The following ARHGAP26 variants were observed in gnomAD, a reference collection of about 807,000 sequenced individuals.
The protein encoded by ARHGAP26 is Rho GTPase activating protein 26, also known as rho GTPase-activating protein 26.
ARHGAP26 carries 38 observed loss-of-function variants against 104.8 expected under a neutral mutation model. The ratio of observed to expected loss-of-function variants is 0.36; its 90% CI spans 0.28 to 0.48. The LOEUF is 0.48. Ranked by LOEUF, ARHGAP26 falls within the 20% of genes least tolerant of loss-of-function variation. The probability of loss-of-function intolerance (pLI) is 0.99; values close to 1 mark genes in which losing one functional copy is unlikely to be tolerated. For synonymous variants in ARHGAP26, 341 were observed against 340.0 expected, an observed-to-expected ratio of 1.00 and a Z score of -0.03; for missense variants, 704 against 947.9, an observed-to-expected ratio of 0.74 and a Z score of 3.38.
At chr5:142,891,218 G>GGGT (rs982060035) in intron 5 of ARHGAP26, among the ~76,000 whole-genome samples, 6 of 152,098 alleles carry the variant, frequency 3.9e-5, no homozygotes, top group Admixed American at 1.3e-4. Flanking sequence ...ACGATGCAGG[G>GGGT]GGTGGTGGTG....
Position 143,015,987 on chromosome 5 carries a change from A to G in ARHGAP26, c.1144+1871A>G, listed in dbSNP as rs1351155360. 2.0e-5 allele frequency among the ~76,000 whole-genome samples: 3 copies of G among 152,214 alleles called. No individual in the cohort carries two copies. In the East Asian group the frequency reaches 5.8e-4, roughly 29 times the overall value. ...ATCCTAAAGAAATCATTAGAGTGCA[A>G]AGATAGTTTGTACAACAAATAAATT... is the stretch of plus-strand genomic sequence containing the variant. On this transcript the variant is annotated intron_variant, in intron 12 of 22. Coordinates refer to ENST00000645722, the MANE Select transcript of ARHGAP26 (RefSeq NM_001135608.3).
In ARHGAP26 at chr5:142,809,818, A is replaced by G. The variant is rs907333043; in HGVS notation, c.154+38903A>G. On this transcript the variant is annotated intron_variant, in intron 1 of 22. Coordinates refer to ENST00000645722, the MANE Select transcript of ARHGAP26 (RefSeq NM_001135608.3). Reference sequence around the variant, plus strand: ...GTGGCTCACTTCATTCATCCATTCAATACCAATTTACTGTGTACCTGCTGA... The same window carrying G: ...GTGGCTCACTTCATTCATCCATTCAGTACCAATTTACTGTGTACCTGCTGA... Among the ~76,000 whole-genome samples the G allele has an allele frequency of 6.6e-5, 10 of 152,118 alleles. No individual in the cohort carries two copies. In the South Asian group the frequency reaches 1.0e-3, roughly 16 times the overall value.
intron 10 of ARHGAP26, among the ~76,000 whole-genome samples, chr5:142,916,215 G>T (rs1478850906): frequency 6.6e-6 from 1 of 152,222 alleles, no homozygotes; most frequent in African/African-American, 2.4e-5. Flanking sequence ...GAAGTGTGAA[G>T]TATGTGACTT....
chr5:143,191,972 C>T (rs945574955), intron 20 of ARHGAP26, among the ~76,000 whole-genome samples: 1 of 152,188 alleles, frequency 6.6e-6, no homozygotes, highest in Non-Finnish European at 1.5e-5. Flanking sequence ...GTCTGCCTTC[C>T]CTGTCTGCCA....
At chr5:143,082,009 CAAAAAAAAAAAAAA>C (rs71576162) in intron 17 of ARHGAP26, among the ~76,000 whole-genome samples, 1 of 38,276 alleles carries the variant, frequency 2.6e-5, no homozygotes, top group African/African-American at 9.3e-5. Flanking sequence ...GACTCCATCT[CAAAAAAAAAAAAAA>C]AAAAAAAAAA....
intron 1 of ARHGAP26, among the ~76,000 whole-genome samples, chr5:142,851,271 A>AT (rs1751463296): frequency 6.6e-6 from 1 of 151,914 alleles, no homozygotes; most frequent in Admixed American, 6.6e-5. Flanking sequence ...TAATTTTTGT[A>AT]TTTTTAGTAG....
At chr5:143,081,513 A>T (rs114932767) in intron 17 of ARHGAP26, among the ~76,000 whole-genome samples, 2,772 of 152,320 alleles carry the variant, frequency 0.018, 73 homozygotes, top group East Asian at 0.073. Context: ...GGAGTCAAAC[A>T]GACCTGAGTT....
intron 11 of ARHGAP26, among the ~76,000 whole-genome samples, chr5:143,006,975 A>G (rs528488810): frequency 3.3e-5 from 5 of 152,180 alleles, no homozygotes; most frequent in African/African-American, 1.2e-4. Context: ...CATGCCTGTA[A>G]TCCTAGCACT....
intron 20 of ARHGAP26, among the ~76,000 whole-genome samples, chr5:143,182,829 G>A (rs7721710): frequency 0.012 from 1,816 of 152,250 alleles, 36 homozygotes; most frequent in African/African-American, 0.041. Flanking sequence ...CATGTAAATA[G>A]TCATCTCCAT....
intron 11 of ARHGAP26, among the ~76,000 whole-genome samples, chr5:143,003,127 A>G (rs1013410495): frequency 5.3e-5 from 8 of 152,262 alleles, no homozygotes; most frequent in Admixed American, 2.6e-4. Flanking sequence ...ATCAGTGTTA[A>G]TAATCCCAGA....
At chr5:142,971,334 G>A (rs1181052689) in intron 11 of ARHGAP26, among the ~76,000 whole-genome samples, 2 of 152,144 alleles carry the variant, frequency 1.3e-5, no homozygotes, top group Admixed American at 1.3e-4. Context: ...GAAATTGCAG[G>A]AGAAGGAAAG....
chr5:143,116,402 G>A (rs1244198217), intron 17 of ARHGAP26, among the ~76,000 whole-genome samples: 1 of 152,110 alleles, frequency 6.6e-6, no homozygotes, highest in African/African-American at 2.4e-5. Flanking sequence ...ACTCCTCTTT[G>A]ACATTTTTCA....
At chr5:142,861,573 G>C (rs1390707840) in intron 1 of ARHGAP26, among the ~76,000 whole-genome samples, 1 of 152,136 alleles carries the variant, frequency 6.6e-6, no homozygotes, top group African/African-American at 2.4e-5. Flanking sequence ...GCGAGAGGGA[G>C]TCAAAGTGGT....
At chr5:143,159,924 A>ATTT (rs199761987) in intron 20 of ARHGAP26, among the ~76,000 whole-genome samples, 2 of 148,630 alleles carry the variant, frequency 1.3e-5, no homozygotes, top group Non-Finnish European at 3.0e-5. Flanking sequence ...GTGGTATGGG[A>ATTT]TTTTTTTTTT....
At position 143,029,077 on chromosome 5, in the gene ARHGAP26, G is replaced by C. The variant is rs374528739; in HGVS notation, c.1145-8119G>C. On this transcript the variant is annotated intron_variant, in intron 12 of 22. Coordinates refer to ENST00000645722, the MANE Select transcript of ARHGAP26 (RefSeq NM_001135608.3). ...GCCCAGGGAGCCCTGGCAACCCTGGGGCTTCACATGATTAGGGGAAAACAG... is the reference window on the plus strand; with the variant it reads ...GCCCAGGGAGCCCTGGCAACCCTGGCGCTTCACATGATTAGGGGAAAACAG... Among the ~76,000 whole-genome samples the C allele has an allele frequency of 1.1e-4, 16 of 152,230 alleles. 1 individual carries two copies. Among genetic ancestry groups the C allele is most frequent in the African/African-American group, 3.9e-4 (16 of 41,538 alleles).
chr5:142,772,624 C>T (rs1354757591), intron 1 of ARHGAP26: 7 of 436,886 alleles, frequency 1.6e-5, no homozygotes, highest in Non-Finnish European at 3.2e-5. Flanking sequence ...TAGATTCATT[C>T]TGCAAATGAG....
chr5:143,104,233 G>A (rs1233856832), intron 17 of ARHGAP26, among the ~76,000 whole-genome samples: 1 of 152,114 alleles, frequency 6.6e-6, no homozygotes, highest in Non-Finnish European at 1.5e-5. Context: ...ATGCTGGCTA[G>A]GCACAGTGAC....
At chr5:143,026,819 G>C (rs965581322) in intron 12 of ARHGAP26, among the ~76,000 whole-genome samples, 6 of 132,292 alleles carry the variant, frequency 4.5e-5, no homozygotes, top group African/African-American at 1.6e-4. Context: ...TGGGGGGTGG[G>C]GGCAAAATTG....
chr5:143,139,204 A>G (rs2150933577), intron 19 of ARHGAP26, among the ~76,000 whole-genome samples: 1 of 152,352 alleles, frequency 6.6e-6, no homozygotes, highest in South Asian at 2.1e-4. Flanking sequence ...TCTAATAATA[A>G]CAATAAAAAT....
Sources: gnomAD v4.1 joint callset for allele counts (sites outside exome capture counted in the v4.1 genomes callset) on GRCh38, gnomAD v4.1.1 for gene constraint, MANE v1.5 for transcripts, NCBI Gene and HGNC (gene_info 2026-07-23, HGNC 2026-07-21) for gene names.